Variants in GRM1 observed in about 807,000 individuals in gnomAD.
GRM1 encodes glutamate metabotropic receptor 1.
In GRM1, 33 loss-of-function variants were observed where a neutral mutation model predicts 90.9. The ratio of observed to expected loss-of-function variants is 0.36; its 90% confidence interval spans 0.28 to 0.49. The LOEUF (loss-of-function observed/expected upper bound fraction) is 0.49. Among genes scored for constraint, GRM1 ranks in the 20% least tolerant of loss-of-function variants. GRM1 has a pLI of 0.99. For synonymous variants in GRM1, 700 were observed against 613.2 expected, an observed-to-expected ratio of 1.14 and a Z score of -2.09; for missense variants, 1,190 against 1,534.3, an observed-to-expected ratio of 0.78 and a Z score of 3.75.
chr6:146,203,013 G>A (rs1424148198), intron 2 of GRM1, among the ~76,000 whole-genome samples: 1 of 151,858 alleles, frequency 6.6e-6, no homozygotes, highest in South Asian at 2.1e-4. Flanking sequence ...GGCTAACACG[G>A]TGAAACCCCG....
chr6:146,363,653 T>G (rs1775575635), intron 5 of GRM1, among the ~76,000 whole-genome samples: 1 of 152,192 alleles, frequency 6.6e-6, no homozygotes, highest in African/African-American at 2.4e-5. Flanking sequence ...AATCAGTCCT[T>G]CCTGTTGCTT....
chr6:146,239,440 T>TC (rs1780770965), intron 2 of GRM1, among the ~76,000 whole-genome samples: 1 of 152,178 alleles, frequency 6.6e-6, no homozygotes, highest in Non-Finnish European at 1.5e-5. Flanking sequence ...GGGGTCTGTT[T>TC]CCCCATTGAA....
At chr6:146,357,888 T>C (rs1785650923) in intron 5 of GRM1, among the ~76,000 whole-genome samples, 194 bp downstream of exon 5, 1 of 152,230 alleles carries the variant, frequency 6.6e-6, no homozygotes, top group South Asian at 2.1e-4. Context: ...ACTCTTAGAA[T>C]ATTTGCATAG....
chr6:146,029,547 A>G lies in GRM1; in HGVS notation c.30A>G (p.Pro10=), dbSNP rs373546028. 5.6e-6 allele frequency: 9 copies of G among 1,613,738 alleles called. No homozygotes were observed. The highest frequency in any genetic ancestry group is 2.2e-5 in the East Asian group (1 of 44,848). The change falls in exon 1 of 8, where the codon CCA becomes CCG. Residue 10 remains proline, a synonymous_variant. Coordinates refer to ENST00000282753, the MANE Select transcript of GRM1 (RefSeq NM_001278064.2). The part of the protein sequence containing the change: MVGLLLFFF[P]AIFLEVSLLP... ...TCGGGCTCCTTTTGTTTTTTTTCCC[A>G]GCGATCTTTTTGGAGGTGTCCCTTC...
chr6:146,349,073 A>ATTATTG (rs1554299564), intron 3 of GRM1, among the ~76,000 whole-genome samples: 2 of 147,662 alleles, frequency 1.4e-5, no homozygotes, highest in South Asian at 4.3e-4. Context: ...TATTATTATT[A>ATTATTG]TTATTATTAT....
chr6:146,072,424 A>G (rs1474300933), intron 1 of GRM1, among the ~76,000 whole-genome samples: 1 of 152,194 alleles, frequency 6.6e-6, no homozygotes, highest in Admixed American at 6.5e-5. Context: ...AGATCAAGTG[A>G]TTGATGTATA....
At chr6:146,175,106 C>G (rs1182369556) in intron 2 of GRM1, among the ~76,000 whole-genome samples, 2 of 152,102 alleles carry the variant, frequency 1.3e-5, no homozygotes, top group African/African-American at 4.8e-5. Context: ...GTCACTAGGT[C>G]CAGCAATTCA....
chr6:146,280,077 T>C (rs561243852), intron 2 of GRM1, among the ~76,000 whole-genome samples: 31 of 152,320 alleles, frequency 2.0e-4, no homozygotes, highest in Admixed American at 2.0e-3. Flanking sequence ...TTCATTCAAA[T>C]ACTTTTTTCA....
intron 2 of GRM1, among the ~76,000 whole-genome samples, chr6:146,297,811 G>A (rs1783235782): frequency 6.6e-6 from 1 of 152,194 alleles, no homozygotes; most frequent in Admixed American, 6.5e-5. Flanking sequence ...ATACAAGGGA[G>A]CAGCCCTGGA....
At chr6:146,128,305 CTG>C (rs1776271161) in intron 1 of GRM1, among the ~76,000 whole-genome samples, 1 of 152,148 alleles carries the variant, frequency 6.6e-6, no homozygotes, top group African/African-American at 2.4e-5. Context: ...TGCAATCCTG[CTG>C]CTAAGATAAT....
chr6:146,102,635 T>G (rs1322345336), intron 1 of GRM1, among the ~76,000 whole-genome samples: 1 of 152,232 alleles, frequency 6.6e-6, no homozygotes, highest in Non-Finnish European at 1.5e-5. Flanking sequence ...CAGCTTGATA[T>G]GTTGATGATT....
chr6:146,305,522 C>A (rs948613111), intron 3 of GRM1, among the ~76,000 whole-genome samples: 5 of 152,204 alleles, frequency 3.3e-5, no homozygotes, highest in African/African-American at 1.2e-4. Flanking sequence ...ATTATTATTA[C>A]TGCATAGGGA....
At chr6:146,427,501 G>T (rs1778253213) in intron 7 of GRM1, among the ~76,000 whole-genome samples, 1 of 152,250 alleles carries the variant, frequency 6.6e-6, no homozygotes, top group Non-Finnish European at 1.5e-5. Flanking sequence ...CAGATGAGAA[G>T]AGCCCAATTT....
At chr6:146,149,958 C>T (rs1473269774) in intron 1 of GRM1, among the ~76,000 whole-genome samples, 1 of 152,060 alleles carries the variant, frequency 6.6e-6, no homozygotes, top group Non-Finnish European at 1.5e-5. Flanking sequence ...CTGGGAACAC[C>T]GGGACAGGTG....
chr6:146,083,507 T>C (rs536237269), intron 1 of GRM1, among the ~76,000 whole-genome samples: 2 of 152,348 alleles, frequency 1.3e-5, no homozygotes, highest in South Asian at 2.1e-4. Context: ...GTTTTTGTCA[T>C]TGGTTCTGTT....
intron 3 of GRM1, among the ~76,000 whole-genome samples, chr6:146,335,105 A>T (rs1021941919): frequency 6.6e-6 from 1 of 152,196 alleles, no homozygotes; most frequent in African/African-American, 2.4e-5. Flanking sequence ...CAATTTAGAT[A>T]TCAGATTAGA....
intron 1 of GRM1, among the ~76,000 whole-genome samples, chr6:146,121,445 G>GT (rs1775986894): frequency 6.6e-6 from 1 of 152,056 alleles, no homozygotes; most frequent in Non-Finnish European, 1.5e-5. Context: ...CTTCAGTTCT[G>GT]TTCTGATCTT....
At chr6:146,411,860 A>G (rs953580667) in intron 7 of GRM1, among the ~76,000 whole-genome samples, 1 of 152,208 alleles carries the variant, frequency 6.6e-6, no homozygotes, top group Non-Finnish European at 1.5e-5. Context: ...GAATAAATGT[A>G]TAAACATACT....
At chr6:146,329,693 C>A (rs750164589) in intron 3 of GRM1, among the ~76,000 whole-genome samples, 4 of 152,106 alleles carry the variant, frequency 2.6e-5, no homozygotes, top group African/African-American at 9.7e-5. Flanking sequence ...TACTATAAAT[C>A]AAAAATGTGT....
Sources: allele counts gnomAD v4.1 joint callset (sites outside exome capture counted in the v4.1 genomes callset), GRCh38; gene constraint gnomAD v4.1.1; transcripts MANE v1.5; gene names NCBI Gene and HGNC (gene_info 2026-07-23, HGNC 2026-07-21).